The following ZBTB20 variants were observed in gnomAD, a reference collection of about 807,000 sequenced individuals.
ZBTB20 encodes the protein zinc finger and BTB domain-containing protein 20.
ZBTB20 carries 9 observed loss-of-function variants against 56.9 expected under a neutral mutation model. That is an observed-to-expected ratio of 0.16 (90% CI 0.10 to 0.28). The LOEUF (loss-of-function observed/expected upper bound fraction) is 0.28. ZBTB20 is among the 10% of genes least tolerant of loss of function. The pLI, the probability that ZBTB20 is intolerant of heterozygous loss-of-function variation, is 1.00. For synonymous variants in ZBTB20, 417 were observed against 420.7 expected (o/e 0.99, Z 0.11); for missense variants, 655 against 1,003.0 (o/e 0.65, Z 4.69).
At position 114,350,511 on chromosome 3, in the gene ZBTB20, G is replaced by T; in HGVS notation, c.1567C>A (p.Pro523Thr). 1.9e-6 allele frequency: 3 copies of T among 1,614,104 alleles called. No homozygotes were observed. Among genetic ancestry groups the T allele is most frequent in the Non-Finnish European group, 2.5e-6 (3 of 1,180,016 alleles). ...TTQPAGSGPK[P>T]FLFSLPQPLA... The stretch of plus-strand genomic sequence containing the variant: ...GGCTGTGGCAGGCTGAAGAGGAAAG[G>T]CTTGGGGCCACTGCCCGCGGGCTGG... The change falls in exon 11 of 12, where the codon CCT becomes ACT. Residue 523 changes from proline (P) to threonine (T), a missense_variant. By Grantham distance (38) the Pro-to-Thr change is conservative. This residue lies in a region of ZBTB20 where 71 missense variants were observed against 89.4 expected (regional missense o/e 0.79). Coordinates refer to ENST00000675478, the MANE Select transcript of ZBTB20 (RefSeq NM_001348800.3).
intron 1 of ZBTB20, among the ~76,000 whole-genome samples, chr3:115,082,210 A>T (rs1413474594): frequency 6.6e-6 from 1 of 152,214 alleles, no homozygotes; most frequent in Non-Finnish European, 1.5e-5. Flanking sequence ...GCAATCACAA[A>T]CAAGTTCTAA....
chr3:114,685,819 T>C lies in ZBTB20; in HGVS notation c.-295+7709A>G, dbSNP rs552883375. ...ATGCTTTGACAAAAGAGAATAGTAA[T>C]AATAATAAATAAATAAATGAAAAGG... is the stretch of plus-strand genomic sequence containing the variant. On this transcript the variant is annotated intron_variant, in intron 6 of 11. Transcript: ENST00000675478. Among the ~76,000 whole-genome samples, 112 of 152,082 alleles carry C rather than the reference T, an allele frequency of 7.4e-4. 1 individual carries two copies. Among genetic ancestry groups the C allele is most frequent in the Non-Finnish European group, 1.4e-3 (95 of 67,982 alleles).
chr3:115,027,544 T>C (rs1377843334), intron 2 of ZBTB20: 1 of 150,950 alleles, frequency 6.6e-6, no homozygotes, highest in South Asian at 2.1e-4. Flanking sequence ...CTTGACTATA[T>C]CCTATGGTGT....
chr3:114,410,990 T>A lies in ZBTB20; in HGVS notation c.-254-21885A>T, dbSNP rs1005821815. On this transcript the variant is annotated intron_variant, in intron 7 of 11. Transcript: ENST00000675478. Reference sequence around the variant, plus strand: ...GGACACATCGAGTTAGTGAGGGTTTTAGTTTGGATGATAACAAGCTCTTAA... The same window carrying A: ...GGACACATCGAGTTAGTGAGGGTTTAAGTTTGGATGATAACAAGCTCTTAA... 6.6e-5 allele frequency among the ~76,000 whole-genome samples: 10 copies of A among 152,136 alleles called. No individual in the cohort carries two copies. The South Asian group carries it at 2.1e-3, about 31-fold the overall frequency.
intron 1 of ZBTB20, among the ~76,000 whole-genome samples, chr3:115,146,691 G>A (rs931307691): frequency 2.6e-5 from 4 of 152,250 alleles, no homozygotes; most frequent in Middle Eastern, 3.4e-3. Context: ...CTCTGAAGAC[G>A]CTCCAGAGAC....
At chr3:114,668,334 A>G (rs2061173040) in intron 6 of ZBTB20, among the ~76,000 whole-genome samples, 1 of 152,034 alleles carries the variant, frequency 6.6e-6, no homozygotes, top group Non-Finnish European at 1.5e-5. Flanking sequence ...AGAACAGCAC[A>G]ATAATAGTAC....
chr3:114,502,715 T>C (rs1325450779), intron 6 of ZBTB20: 2 of 152,150 alleles, frequency 1.3e-5, no homozygotes, highest in African/African-American at 2.4e-5. Context: ...TATTAGACTA[T>C]GGCACAGGGG....
intron 5 of ZBTB20, among the ~76,000 whole-genome samples, chr3:114,760,807 CT>C (rs1199173818): frequency 6.6e-6 from 1 of 152,110 alleles, no homozygotes; most frequent in Non-Finnish European, 1.5e-5. Context: ...TATTTATCTT[CT>C]TTTACTATGG....
At chr3:114,465,176 T>C (rs1215662054) in intron 7 of ZBTB20, among the ~76,000 whole-genome samples, 2 of 152,166 alleles carry the variant, frequency 1.3e-5, no homozygotes, top group Non-Finnish European at 2.9e-5. Context: ...CTGGTAAGTT[T>C]GTTCTAGATT....
chr3:114,938,655 C>T (rs1421363417), intron 3 of ZBTB20, among the ~76,000 whole-genome samples: 1 of 145,130 alleles, frequency 6.9e-6, no homozygotes, highest in Non-Finnish European at 1.5e-5. Context: ...GGGAACATCA[C>T]ACATTGGGGC....
Position 114,315,568 on chromosome 3 carries a change from A to AGTGTGT in ZBTB20, c.*23431_*23436dup, listed in dbSNP as rs60383315. ...GTGTGTATTTTAGGTCTAAACATAC[A>AGTGTGT]GTGTGTGTGTGTGTGTGTGTGTGTG... On this transcript the variant is annotated 3_prime_UTR_variant, in exon 12 of 12. Transcript: ENST00000675478. 25,571 of 147,308 alleles carry AGTGTGT rather than the reference A, an allele frequency of 0.17. 2,695 individuals carry two copies. Among genetic ancestry groups the AGTGTGT allele is most frequent in the Non-Finnish European group, 0.24 (15,996 of 66,886 alleles). 9.1% of individuals were successfully genotyped at this position (147,308 alleles called of 1,614,324 possible).
intron 1 of ZBTB20, among the ~76,000 whole-genome samples, chr3:115,132,470 C>T (rs1400569589): frequency 6.6e-6 from 1 of 152,160 alleles, no homozygotes; most frequent in African/African-American, 2.4e-5. Flanking sequence ...GCAAGAGACA[C>T]CTGACATTCT....
chr3:114,357,264 T>C (rs1271703744), intron 10 of ZBTB20: 2 of 152,246 alleles, frequency 1.3e-5, no homozygotes, highest in Non-Finnish European at 2.9e-5. Flanking sequence ...ATATCAATTG[T>C]TGAAATTTGC....
At chr3:115,022,773 G>T (rs2080259418) in intron 2 of ZBTB20, among the ~76,000 whole-genome samples, 1 of 150,986 alleles carries the variant, frequency 6.6e-6, no homozygotes, top group Non-Finnish European at 1.5e-5. Context: ...GGGTGGTTTT[G>T]TGCAGTTTCT....
intron 10 of ZBTB20, among the ~76,000 whole-genome samples, chr3:114,355,587 A>G (rs2081168226): frequency 6.6e-6 from 1 of 152,198 alleles, no homozygotes; most frequent in African/African-American, 2.4e-5. Context: ...TACAGTGGGA[A>G]AAAGTTTCTG....
chr3:114,520,531 A>G (rs1032856174), intron 6 of ZBTB20, among the ~76,000 whole-genome samples: 1 of 152,154 alleles, frequency 6.6e-6, no homozygotes, highest in African/African-American at 2.4e-5. Context: ...GATGAGTGGG[A>G]GTGGATTTAA....
chr3:114,709,967 A>C (rs2063956647), intron 5 of ZBTB20, among the ~76,000 whole-genome samples: 1 of 151,992 alleles, frequency 6.6e-6, no homozygotes, highest in Non-Finnish European at 1.5e-5. Context: ...TTAAATCTTC[A>C]CTAATTCCAA....
chr3:114,657,928 C>T (rs538294541), intron 6 of ZBTB20, among the ~76,000 whole-genome samples: 1 of 152,128 alleles, frequency 6.6e-6, no homozygotes, highest in Non-Finnish European at 1.5e-5. Flanking sequence ...AAAATCACAA[C>T]TACCAAAATT....
intron 1 of ZBTB20, among the ~76,000 whole-genome samples, chr3:115,122,759 T>C (rs375768678): frequency 2.3e-4 from 35 of 152,240 alleles, no homozygotes; most frequent in African/African-American, 7.7e-4. Context: ...CTATGCATTA[T>C]AGATTACCCA....
Sources: gnomAD v4.1 joint callset for allele counts (sites outside exome capture counted in the v4.1 genomes callset) on GRCh38, gnomAD v4.1.1 for gene constraint, gnomAD v4.1.1 regional missense constraint, MANE v1.5 for transcripts, NCBI Gene and HGNC (gene_info 2026-07-23, HGNC 2026-07-21) for gene names.